The following PLPPR1 variants were observed in gnomAD, a reference collection of about 807,000 sequenced individuals.
PLPPR1 encodes the protein phospholipid phosphatase related 1.
PLPPR1 carries 10 observed loss-of-function variants against 33.1 expected under a neutral mutation model. The observed-to-expected ratio is 0.30, with a 90% CI of 0.19 to 0.51. PLPPR1 has a LOEUF of 0.51. Among genes scored for constraint, PLPPR1 ranks in the 20% least tolerant of loss-of-function variants. The probability of loss-of-function intolerance (pLI) is 0.97; values close to 1 mark genes in which losing one functional copy is unlikely to be tolerated. For synonymous variants in PLPPR1, 151 were observed against 151.0 expected (o/e 1.00, Z 0.00); for missense variants, 304 against 408.1 (o/e 0.74, Z 2.20).
intron 4 of PLPPR1, among the ~76,000 whole-genome samples, chr9:101,304,558 A>T (rs1237694724): frequency 6.6e-6 from 1 of 152,238 alleles, no homozygotes; most frequent in Non-Finnish European, 1.5e-5. Flanking sequence ...ATATGAGAAT[A>T]ATGGTACCAT....
At chr9:101,314,554 A>G (rs1268177249) in intron 6 of PLPPR1, among the ~76,000 whole-genome samples, 3 of 152,006 alleles carry the variant, frequency 2.0e-5, no homozygotes, top group Admixed American at 6.6e-5. Flanking sequence ...ATAAAAAGTT[A>G]TGTTTACATT....
intron 3 of PLPPR1, among the ~76,000 whole-genome samples, chr9:101,281,995 A>T (rs1368348276): frequency 6.6e-6 from 1 of 152,218 alleles, no homozygotes. Context: ...CCAAAAATTT[A>T]AAGTAAAACT....
At chr9:101,238,200 CTA>C (rs911322842) in intron 2 of PLPPR1, among the ~76,000 whole-genome samples, 1 of 134,318 alleles carries the variant, frequency 7.4e-6, no homozygotes, top group African/African-American at 2.7e-5. Flanking sequence ...TATATATACC[CTA>C]TATATATACC....
At chr9:101,128,837 C>T (rs911235875) in intron 1 of PLPPR1, among the ~76,000 whole-genome samples, 2 of 152,122 alleles carry the variant, frequency 1.3e-5, no homozygotes, top group African/African-American at 2.4e-5. Flanking sequence ...CAAGTTAACT[C>T]AATCAATAGA....
At chr9:101,180,163 TACAC>T (rs1189745449) in intron 1 of PLPPR1, among the ~76,000 whole-genome samples, 31 of 87,600 alleles carry the variant, frequency 3.5e-4, no homozygotes, top group South Asian at 1.5e-3. Flanking sequence ...CACACACACA[TACAC>T]ACACACACAG....
Position 101,113,640 on chromosome 9 carries a change from A to C in PLPPR1, c.-45-71810A>C, listed in dbSNP as rs530627562. ...GAAAGAACAGAAAAAACAAAAAAAC[A>C]AAAAACAAAAAACAAAAAAACCAAA... On this transcript the variant is annotated intron_variant, in intron 1 of 7. Transcript: ENST00000374874. 5.9e-5 allele frequency among the ~76,000 whole-genome samples: 9 copies of C among 152,038 alleles called. No individual in the cohort carries two copies. In the South Asian group the frequency reaches 1.9e-3, roughly 32 times the overall value.
intron 2 of PLPPR1, among the ~76,000 whole-genome samples, chr9:101,218,989 A>G (rs550291620): frequency 6.6e-5 from 10 of 152,316 alleles, no homozygotes. Context: ...ACTCACACAC[A>G]TCTATATGTC....
chr9:101,291,000 GTGC>G (rs1312773473), intron 4 of PLPPR1, among the ~76,000 whole-genome samples: 1 of 152,248 alleles, frequency 6.6e-6, no homozygotes, highest in African/African-American at 2.4e-5. Flanking sequence ...CACTCGGGAA[GTGC>G]AAGGGGTCAG....
intron 2 of PLPPR1, among the ~76,000 whole-genome samples, chr9:101,218,992 T>C (rs920748935): frequency 1.1e-4 from 17 of 152,270 alleles, no homozygotes; most frequent in African/African-American, 3.8e-4. Context: ...CACACACATC[T>C]ATATGTCCTT....
At chr9:101,134,651 C>T (rs879316387) in intron 1 of PLPPR1, among the ~76,000 whole-genome samples, 3 of 151,972 alleles carry the variant, frequency 2.0e-5, no homozygotes, top group African/African-American at 7.3e-5. Flanking sequence ...CCCAGAGTGC[C>T]GGGATTACAG....
chr9:101,070,110 C>T (rs996398747), intron 1 of PLPPR1, among the ~76,000 whole-genome samples: 4 of 152,052 alleles, frequency 2.6e-5, no homozygotes, highest in Non-Finnish European at 1.5e-5. Context: ...TACCCCCTTC[C>T]GTACTTTGGA....
intron 2 of PLPPR1, among the ~76,000 whole-genome samples, chr9:101,238,726 C>T (rs1040760086): frequency 6.6e-6 from 1 of 151,738 alleles, no homozygotes; most frequent in South Asian, 2.1e-4. Flanking sequence ...GCCCAGACTT[C>T]ACCTCTGTGC....
chr9:101,121,324 G>T (rs1029367900), intron 1 of PLPPR1, among the ~76,000 whole-genome samples: 1 of 152,144 alleles, frequency 6.6e-6, no homozygotes, highest in Admixed American at 6.5e-5. Context: ...TGTTAGGCAA[G>T]GGTTATTCTT....
At chr9:101,235,470 A>C (rs1291711528) in intron 2 of PLPPR1, among the ~76,000 whole-genome samples, 2 of 151,846 alleles carry the variant, frequency 1.3e-5, no homozygotes, top group Admixed American at 6.6e-5. Flanking sequence ...TCTTTAACAA[A>C]ATTTTTTTAA....
In PLPPR1 at chr9:101,181,605, T is replaced by C. The variant is rs947844961; in HGVS notation, c.-45-3845T>C. On this transcript the variant is annotated intron_variant, in intron 1 of 7. Transcript: ENST00000374874. ...TGAATGGATAAAGAAATTGGGTATA[T>C]GTATGTGTGTGTGTGTGTGTGTGTG... Among the ~76,000 whole-genome samples, 27 of 113,448 alleles carry C rather than the reference T, an allele frequency of 2.4e-4. 1 individual carries two copies. The highest frequency in any genetic ancestry group is 9.9e-4 in the African/African-American group (27 of 27,140). The allele number at this position is 113,448 out of a possible 152,430, so 74.4% of individuals were successfully genotyped here. A position where few individuals can be genotyped will look rare whatever the true frequency, so the allele number is the denominator to read the frequency against.
intron 2 of PLPPR1, among the ~76,000 whole-genome samples, chr9:101,203,559 G>T (rs557656719): frequency 6.6e-6 from 1 of 152,100 alleles, no homozygotes. Context: ...CAAGCATAAT[G>T]ATCCTATGAA....
chr9:101,066,097 GTT>G (rs1451436127), intron 1 of PLPPR1, among the ~76,000 whole-genome samples: 1 of 152,050 alleles, frequency 6.6e-6, no homozygotes, highest in Non-Finnish European at 1.5e-5. Flanking sequence ...CCTGTAGACT[GTT>G]ACAGCTTTTC....
At chr9:101,294,325 A>G (rs1310188584) in intron 4 of PLPPR1, among the ~76,000 whole-genome samples, 1 of 151,864 alleles carries the variant, frequency 6.6e-6, no homozygotes, top group African/African-American at 2.4e-5. Flanking sequence ...TTACCAACCA[A>G]AAAGAGTCCA....
rs76052909 is a variant in PLPPR1 at position 101,233,061 on chromosome 9, A to G, written c.64-36819A>G. Among the ~76,000 whole-genome samples, 980 of 152,132 alleles carry G rather than the reference A, an allele frequency of 6.4e-3. 9 individuals are homozygous for G. The highest frequency in any genetic ancestry group is 0.022 in the African/African-American group (931 of 41,536). On this transcript the variant is annotated intron_variant, in intron 2 of 7. Transcript: ENST00000374874. ...AAACCTGTGTTGGAATATACGTCTCATACATAGGACTAATCTTTCCAAATA... is the reference window on the plus strand; with the variant it reads ...AAACCTGTGTTGGAATATACGTCTCGTACATAGGACTAATCTTTCCAAATA...
Sources: allele counts gnomAD v4.1 joint callset (sites outside exome capture counted in the v4.1 genomes callset), GRCh38; gene constraint gnomAD v4.1.1; transcripts MANE v1.5; gene names NCBI Gene and HGNC (gene_info 2026-07-23, HGNC 2026-07-21).